JARID2: variants seen among roughly 807,000 people sequenced by gnomAD.
JARID2 encodes the protein protein Jumonji.
A neutral mutation model predicts 125.6 loss-of-function variants in JARID2; 21 were observed. The observed-to-expected ratio is 0.17, with a 90% CI of 0.12 to 0.24. The LOEUF is 0.24. Ranked by LOEUF, JARID2 falls within the 10% of genes least tolerant of loss-of-function variation. JARID2 has a pLI of 1.00. For missense variants in JARID2, 1,303 were observed against 1,639.6 expected, an observed-to-expected ratio of 0.79 and a Z score of 3.55; for synonymous variants, 736 against 661.6, an observed-to-expected ratio of 1.11 and a Z score of -1.73.
intron 1 of JARID2, among the ~76,000 whole-genome samples, chr6:15,320,846 C>G (rs558402168): frequency 0.036 from 4,836 of 133,144 alleles, 119 homozygotes; most frequent in South Asian, 0.11. Context: ...CATTCTCTCT[C>G]TCTCTCTGTG....
At chr6:15,304,292 T>C (rs1358462899) in intron 1 of JARID2, among the ~76,000 whole-genome samples, 1 of 95,378 alleles carries the variant, frequency 1.0e-5, no homozygotes, top group African/African-American at 4.1e-5. Context: ...AGAATGGACA[T>C]AATTTGCTGA....
intron 2 of JARID2, among the ~76,000 whole-genome samples, chr6:15,400,442 C>T (rs1214249608): frequency 1.3e-5 from 2 of 149,276 alleles, no homozygotes; most frequent in East Asian, 2.0e-4. Context: ...AAAGGGATGC[C>T]ATTGAAACTG....
At chr6:15,489,215 C>T (rs760034892) in intron 6 of JARID2, among the ~76,000 whole-genome samples, 19 of 152,160 alleles carry the variant, frequency 1.2e-4, no homozygotes, top group Non-Finnish European at 2.4e-4. Context: ...TCTATTCATC[C>T]CACTATGCTT....
At chr6:15,368,228 T>C (rs1764044660) in intron 1 of JARID2, among the ~76,000 whole-genome samples, 1 of 152,228 alleles carries the variant, frequency 6.6e-6, no homozygotes, top group Non-Finnish European at 1.5e-5. Flanking sequence ...GTACAAGGTT[T>C]TAATTTTGAT....
intron 1 of JARID2, among the ~76,000 whole-genome samples, chr6:15,354,277 G>A (rs778084328): frequency 4.6e-5 from 7 of 152,170 alleles, no homozygotes; most frequent in Non-Finnish European, 8.8e-5. Context: ...TGGCATATTA[G>A]CAGCCGTTAG....
rs2127736583 is a variant in JARID2, at chr6:15,497,277, C to G, written c.1945+107C>G. ...CTCTTCCCTTGCGAAAGCTCCAGTTCCGCTTCCCTGTCTCGGGAGTAGTGG... is the reference window on the plus strand; with the variant it reads ...CTCTTCCCTTGCGAAAGCTCCAGTTGCGCTTCCCTGTCTCGGGAGTAGTGG... On this transcript the variant is annotated intron_variant, in intron 7 of 17. Coordinates refer to ENST00000341776, the MANE Select transcript of JARID2 (RefSeq NM_004973.4). 6.9e-6 allele frequency: 6 copies of G among 868,550 alleles called. 1 individual carries two copies. Among genetic ancestry groups the G allele is most frequent in the African/African-American group, 3.4e-5 (2 of 58,828 alleles). The allele number at this position is 868,550 out of a possible 1,614,324, so 53.8% of individuals were successfully genotyped here.
Position 15,521,869 on chromosome 6 carries a change from T to G in JARID2, c.*1618T>G, listed in dbSNP as rs752650673. 2 of 152,258 alleles carry G rather than the reference T, an allele frequency of 1.3e-5. No homozygotes were observed. The highest frequency in any genetic ancestry group is 2.9e-5 in the Non-Finnish European group (2 of 68,054). 9.4% of individuals were successfully genotyped at this position (152,258 alleles called of 1,614,324 possible). A position where few individuals can be genotyped will look rare whatever the true frequency, so the allele number is the denominator to read the frequency against. On this transcript the variant is annotated 3_prime_UTR_variant, in exon 18 of 18. Coordinates refer to ENST00000341776, the MANE Select transcript of JARID2 (RefSeq NM_004973.4). ...ACTTTCCCTCTTTTTGACAGTAAAC[T>G]TCTGCCTATGGCTTACAGTTTGACA...
intron 1 of JARID2, among the ~76,000 whole-genome samples, chr6:15,348,495 C>T (rs1326490201): frequency 6.6e-6 from 1 of 152,066 alleles, no homozygotes; most frequent in African/African-American, 2.4e-5. Flanking sequence ...TATAAACTTC[C>T]ATGGGCTGGG....
intron 1 of JARID2, among the ~76,000 whole-genome samples, chr6:15,357,788 C>G (rs1160490348): frequency 1.3e-5 from 2 of 152,132 alleles, no homozygotes; most frequent in Non-Finnish European, 2.9e-5. Flanking sequence ...TATGTTGTGT[C>G]TTTTAGGACG....
chr6:15,306,716 T>C lies in JARID2; in HGVS notation c.45+60132T>C, dbSNP rs914892553. 2.0e-5 allele frequency among the ~76,000 whole-genome samples: 3 copies of C among 151,964 alleles called. No homozygotes were observed. In the East Asian group the frequency reaches 5.8e-4, roughly 29 times the overall value. ...GGAAAGGGGAAAAATACCATCTTCC[T>C]TAAACTTAATTTTTAGGTACTTAAA... On this transcript the variant is annotated intron_variant, in intron 1 of 17. Coordinates refer to ENST00000341776, the MANE Select transcript of JARID2 (RefSeq NM_004973.4).
chr6:15,482,200 A>C (rs748016820), intron 5 of JARID2, among the ~76,000 whole-genome samples: 1 of 152,242 alleles, frequency 6.6e-6, no homozygotes, highest in Non-Finnish European at 1.5e-5. Flanking sequence ...GACTCCTGTC[A>C]GTTTTTATGT....
intron 1 of JARID2, among the ~76,000 whole-genome samples, chr6:15,363,629 T>TAC (rs1396404822): frequency 1.3e-5 from 2 of 152,242 alleles, no homozygotes; most frequent in African/African-American, 4.8e-5. Context: ...ATGTGATCTG[T>TAC]ACTACTTCAC....
chr6:15,400,239 C>G (rs1462444480), intron 2 of JARID2, among the ~76,000 whole-genome samples: 3 of 151,922 alleles, frequency 2.0e-5, no homozygotes, highest in Admixed American at 2.0e-4. Context: ...AGCGGTGGCC[C>G]ATGCGGTCAC....
chr6:15,331,956 C>T (rs1326900296), intron 1 of JARID2, among the ~76,000 whole-genome samples: 5 of 152,154 alleles, frequency 3.3e-5, no homozygotes, highest in Non-Finnish European at 5.9e-5. Context: ...AATGTCCCTC[C>T]TTCCGGACTG....
At chr6:15,485,742 G>A (rs192415358) in intron 5 of JARID2, among the ~76,000 whole-genome samples, 27 of 152,284 alleles carry the variant, frequency 1.8e-4, no homozygotes, top group Admixed American at 1.3e-3. Flanking sequence ...CACAGCAAAT[G>A]AAAAAGTAAA....
intron 3 of JARID2, among the ~76,000 whole-genome samples, chr6:15,441,475 A>G (rs1053734924): frequency 3.3e-5 from 5 of 152,202 alleles, no homozygotes; most frequent in African/African-American, 1.2e-4. Context: ...TGGCTACTTC[A>G]TAAGATTTGC....
intron 1 of JARID2, among the ~76,000 whole-genome samples, chr6:15,296,368 C>T (rs1485903126): frequency 6.6e-6 from 1 of 152,058 alleles, no homozygotes; most frequent in Non-Finnish European, 1.5e-5. Flanking sequence ...TCTCAGAGCT[C>T]CTGGTGGCAT....
intron 1 of JARID2, among the ~76,000 whole-genome samples, chr6:15,307,593 G>A (rs1484579262): frequency 1.1e-4 from 17 of 152,146 alleles, no homozygotes; most frequent in Non-Finnish European, 2.5e-4. Flanking sequence ...GGATGGGGTT[G>A]TGGTTCTTCT....
At chr6:15,459,152 G>A (rs994799238) in intron 4 of JARID2, among the ~76,000 whole-genome samples, 4 of 152,206 alleles carry the variant, frequency 2.6e-5, no homozygotes, top group Admixed American at 6.5e-5. Flanking sequence ...TTGTTGCAGA[G>A]CTAATGGGTA....
Sources: gnomAD v4.1 joint callset for allele counts (sites outside exome capture counted in the v4.1 genomes callset) on GRCh38, gnomAD v4.1.1 for gene constraint, MANE v1.5 for transcripts, NCBI Gene and HGNC (gene_info 2026-07-23, HGNC 2026-07-21) for gene names.